The following GRIP1 variants were observed in gnomAD, a reference collection of about 807,000 sequenced individuals.
GRIP1 encodes the protein glutamate receptor-interacting protein 1.
GRIP1 carries 45 observed loss-of-function variants against 129.9 expected under a neutral mutation model. The ratio of observed to expected loss-of-function variants is 0.35; its 90% CI spans 0.27 to 0.44. The LOEUF is 0.44. Among genes scored for constraint, GRIP1 ranks in the 20% least tolerant of loss-of-function variants. The pLI, the probability that GRIP1 is intolerant of heterozygous loss-of-function variation, is 1.00. For synonymous variants in GRIP1, 530 were observed against 520.8 expected, an observed-to-expected ratio of 1.02 and a Z score of -0.24; for missense variants, 1,196 against 1,396.8, an observed-to-expected ratio of 0.86 and a Z score of 2.29.
At chr12:66,713,678 C>A (rs749599229) in intron 1 of GRIP1, among the ~76,000 whole-genome samples, 1 of 152,030 alleles carries the variant, frequency 6.6e-6, no homozygotes, top group Admixed American at 6.6e-5. Context: ...AACTACCAAC[C>A]ATTCCTTCTC....
chr12:66,573,945 T>C (rs1296522866), intron 2 of GRIP1, among the ~76,000 whole-genome samples: 1 of 152,214 alleles, frequency 6.6e-6, no homozygotes, highest in Admixed American at 6.5e-5. Context: ...GTTCTGCCTC[T>C]AAGATCATGG....
chr12:66,733,865 G>C (rs1043089106), intron 1 of GRIP1, among the ~76,000 whole-genome samples: 1 of 152,100 alleles, frequency 6.6e-6, no homozygotes, highest in Non-Finnish European at 1.5e-5. Flanking sequence ...TTTATTTCAA[G>C]GGAAATCAAA....
chr12:66,437,585 A>G (rs2058348707), intron 13 of GRIP1, among the ~76,000 whole-genome samples: 2 of 152,242 alleles, frequency 1.3e-5, no homozygotes, highest in South Asian at 4.1e-4. Context: ...GGTTTAACAG[A>G]CACAGTTCCT....
At chr12:66,877,136 C>T (rs950254512) in intron 1 of GRIP1, among the ~76,000 whole-genome samples, 3 of 152,010 alleles carry the variant, frequency 2.0e-5, no homozygotes, top group Non-Finnish European at 4.4e-5. Context: ...ATTACGGCAT[C>T]TGAGTTGCCA....
intron 1 of GRIP1, among the ~76,000 whole-genome samples, chr12:66,684,338 G>A (rs958799363): frequency 2.6e-5 from 4 of 152,136 alleles, no homozygotes; most frequent in Non-Finnish European, 4.4e-5. Flanking sequence ...ACAATGGCAC[G>A]AAGTAATTTC....
chr12:66,352,325 A>G (rs975076534), intron 24 of GRIP1, among the ~76,000 whole-genome samples: 1 of 152,190 alleles, frequency 6.6e-6, no homozygotes. Context: ...GGAGCAGGGA[A>G]AGAGCCTGTG....
At chr12:66,831,210 C>T (rs10506500) in intron 1 of GRIP1, among the ~76,000 whole-genome samples, 16,054 of 152,100 alleles carry the variant, frequency 0.11, 1,075 homozygotes, top group East Asian at 0.24. Context: ...AATTTCATTG[C>T]CACCAGCTAC....
At chr12:66,977,845 C>A (rs879564445) in intron 1 of GRIP1, among the ~76,000 whole-genome samples, 1 of 79,584 alleles carries the variant, frequency 1.3e-5, no homozygotes, top group African/African-American at 5.1e-5. Context: ...TTGGCTCTTG[C>A]TCTTTCATCC....
intron 2 of GRIP1, among the ~76,000 whole-genome samples, chr12:66,558,913 G>A (rs560876963): frequency 2.0e-5 from 3 of 152,126 alleles, no homozygotes; most frequent in Non-Finnish European, 2.9e-5. Context: ...AATAAACCCT[G>A]TTGCAAAAAT....
chr12:66,522,084 GACAA>G (rs904019477), intron 5 of GRIP1, among the ~76,000 whole-genome samples: 2 of 152,190 alleles, frequency 1.3e-5, no homozygotes, highest in African/African-American at 4.8e-5. Flanking sequence ...GCAGGGCACA[GACAA>G]ACAAAAAGAC....
chr12:67,023,935 CTT>C (rs1027810732), intron 1 of GRIP1, among the ~76,000 whole-genome samples: 2 of 151,658 alleles, frequency 1.3e-5, no homozygotes, highest in African/African-American at 4.8e-5. Flanking sequence ...TCTCTTTTCT[CTT>C]TCTTTCCTTC....
chr12:66,445,510 T>C lies in GRIP1; in HGVS notation c.1355-2A>G. 1 of 1,607,834 alleles carries C rather than the reference T, an allele frequency of 6.2e-7. No homozygotes were observed. The highest frequency in any genetic ancestry group is 8.5e-7 in the Non-Finnish European group (1 of 1,176,100). ...CTACTGTGCTGGAGGCTAAGGACAC[T>C]AGAGGAACAAACAGAAAATACTGAC... is the stretch of plus-strand genomic sequence containing the variant. On this transcript the variant is annotated splice_acceptor_variant, in intron 11 of 24. Transcript: ENST00000359742. LOFTEE classifies it high-confidence loss of function.
intron 1 of GRIP1, among the ~76,000 whole-genome samples, chr12:66,789,876 C>A (rs981087845): frequency 6.6e-6 from 1 of 151,970 alleles, no homozygotes; most frequent in Non-Finnish European, 1.5e-5. Flanking sequence ...CAATTAATAA[C>A]TTTTATAAGC....
intron 1 of GRIP1, among the ~76,000 whole-genome samples, chr12:66,890,197 G>A (rs2040634854): frequency 6.6e-6 from 1 of 152,090 alleles, no homozygotes; most frequent in Admixed American, 6.5e-5. Flanking sequence ...CCAAAATGTT[G>A]GGATTACAGT....
intron 23 of GRIP1, among the ~76,000 whole-genome samples, chr12:66,360,929 A>C (rs954290346): frequency 6.6e-6 from 1 of 152,216 alleles, no homozygotes; most frequent in Admixed American, 6.5e-5. Flanking sequence ...AATGGCCTTG[A>C]GAACCAAACT....
chr12:66,531,831 A>G (rs2061472662), intron 4 of GRIP1, among the ~76,000 whole-genome samples: 1 of 152,164 alleles, frequency 6.6e-6, no homozygotes, highest in South Asian at 2.1e-4. Flanking sequence ...GAGGAAAGGA[A>G]AGGATATGGA....
At chr12:67,039,596 T>C (rs766336333) in intron 1 of GRIP1, among the ~76,000 whole-genome samples, 2 of 152,152 alleles carry the variant, frequency 1.3e-5, no homozygotes, top group Non-Finnish European at 2.9e-5. Flanking sequence ...TACTGCAACA[T>C]TGGTTCTGTA....
chr12:66,723,336 A>T (rs2036154014), intron 1 of GRIP1, among the ~76,000 whole-genome samples: 1 of 110,260 alleles, frequency 9.1e-6, no homozygotes, highest in African/African-American at 3.6e-5. Context: ...TTTTTGAGAC[A>T]GAGTCTCACT....
intron 1 of GRIP1, among the ~76,000 whole-genome samples, chr12:66,852,031 T>C (rs1230660026): frequency 2.0e-5 from 3 of 152,042 alleles, no homozygotes; most frequent in Admixed American, 1.3e-4. Flanking sequence ...AATCTATAAA[T>C]TGATGGGATA....
Sources: allele counts gnomAD v4.1 joint callset (sites outside exome capture counted in the v4.1 genomes callset), GRCh38; gene constraint gnomAD v4.1.1; transcripts MANE v1.5; gene names NCBI Gene and HGNC (gene_info 2026-07-23, HGNC 2026-07-21).